COL4A3: variants seen among roughly 807,000 people sequenced by gnomAD.
COL4A3 encodes the protein collagen alpha-3(IV) chain.
COL4A3 carries 135 observed loss-of-function variants against 217.4 expected under a neutral mutation model. That is an observed-to-expected ratio of 0.62 (90% CI 0.54 to 0.72). COL4A3 has a LOEUF of 0.72. Among genes scored for constraint, COL4A3 ranks in the 30% least tolerant of loss-of-function variants. The pLI is 0.00. For synonymous variants in COL4A3, 690 were observed against 736.3 expected (o/e 0.94, Z 1.02); for missense variants, 1,868 against 2,119.9 (o/e 0.88, Z 2.33).
At chr2:227,301,541 G>C (rs1203955762) in intron 43 of COL4A3, among the ~76,000 whole-genome samples, 1 of 152,192 alleles carries the variant, frequency 6.6e-6, no homozygotes, top group Non-Finnish European at 1.5e-5. Flanking sequence ...TGTTCTCCAT[G>C]ATTCTTTGAA....
At chr2:227,263,241 T>C (rs1045231639) in intron 20 of COL4A3, among the ~76,000 whole-genome samples, 1 of 152,228 alleles carries the variant, frequency 6.6e-6, no homozygotes, top group Non-Finnish European at 1.5e-5. Flanking sequence ...AAACTGTTTG[T>C]GGGACAGAGA....
At chr2:227,177,300 C>T (rs1018830152) in intron 1 of COL4A3, among the ~76,000 whole-genome samples, 5 of 151,534 alleles carry the variant, frequency 3.3e-5, no homozygotes, top group African/African-American at 9.7e-5. Flanking sequence ...CAGGCGCCTG[C>T]CACCACTCCC....
intron 41 of COL4A3, chr2:227,296,193 T>G (rs1284321494): frequency 6.6e-6 from 1 of 152,238 alleles, no homozygotes; most frequent in Non-Finnish European, 1.5e-5. Flanking sequence ...TCTTACTGGT[T>G]TGATTGTTCT....
intron 37 of COL4A3, among the ~76,000 whole-genome samples, chr2:227,291,566 AAAAAAAAAAAAAACAAAAAAAAAAAAC>A (rs1200309333): frequency 1.7e-3 from 38 of 22,622 alleles, no homozygotes; most frequent in African/African-American, 3.6e-3. Context: ...CCGTCTCAAA[AAAAAAAAAAAAAACAAAAAAAAAAAAC>A]AAAAAAAAAA....
chr2:227,310,263 C>CT (rs1213662977), intron 50 of COL4A3, among the ~76,000 whole-genome samples: 1 of 152,020 alleles, frequency 6.6e-6, no homozygotes. Flanking sequence ...GTGGTTCTTT[C>CT]TTTTTTCTTT....
intron 1 of COL4A3, among the ~76,000 whole-genome samples, chr2:227,234,801 C>T (rs1227224214): frequency 6.6e-6 from 1 of 152,222 alleles, no homozygotes; most frequent in Non-Finnish European, 1.5e-5. Flanking sequence ...GTGAATGTGA[C>T]TCTTACTCCA....
chr2:227,202,854 TATATATAC>T lies in COL4A3; in HGVS notation c.88-35107_88-35100del, dbSNP rs1188548626. Among the ~76,000 whole-genome samples the T allele has an allele frequency of 3.8e-3, 140 of 36,370 alleles. 5 individuals are homozygous for T. The highest frequency in any genetic ancestry group is 0.019 in the Middle Eastern group (2 of 104). The allele number at this position is 36,370 out of a possible 152,430, so 23.9% of individuals were successfully genotyped here. A position where few individuals can be genotyped will look rare whatever the true frequency, so the allele number is the denominator to read the frequency against. ...ATCTATGTGTATATATACATATGTG[TATATATAC>T]ATATATGTGTATATATACATATGTG... On this transcript the variant is annotated intron_variant, in intron 1 of 51. Transcript: ENST00000396578.
chr2:227,295,329 TC>T lies in COL4A3; in HGVS notation c.3565+14del. The T allele has an allele frequency of 6.2e-7, 1 of 1,612,676 alleles. No individual in the cohort carries two copies. Among genetic ancestry groups the T allele is most frequent in the Non-Finnish European group, 8.5e-7 (1 of 1,178,640 alleles). On this transcript the variant is annotated intron_variant, in intron 41 of 51. Coordinates refer to ENST00000396578, the MANE Select transcript of COL4A3 (RefSeq NM_000091.5). ...CCTGGTGCTCAAGGTAAGCAGTTCT[TC>T]TTCCCTGTCCTAATGTACACATTTT...
intron 37 of COL4A3, 52 bp from the exon 38 acceptor site, chr2:227,293,139 A>G (rs2072850744): frequency 6.2e-7 from 1 of 1,610,294 alleles, no homozygotes; most frequent in African/African-American, 1.3e-5. Context: ...CTGAATTCTT[A>G]CCACATATCC....
intron 1 of COL4A3, among the ~76,000 whole-genome samples, chr2:227,217,229 T>C (rs753166098): frequency 3.3e-5 from 5 of 152,156 alleles, no homozygotes; most frequent in Non-Finnish European, 7.4e-5. Context: ...GAGAACAGTA[T>C]GGGAGAACCA....
chr2:227,234,354 T>C (rs11677864), intron 1 of COL4A3, among the ~76,000 whole-genome samples: 49,192 of 152,174 alleles, frequency 0.32, 8,383 homozygotes, highest in Non-Finnish European at 0.36. Context: ...AAGCAACTAA[T>C]AAATAATTAG....
intron 1 of COL4A3, among the ~76,000 whole-genome samples, chr2:227,181,803 C>T (rs1325239045): frequency 6.6e-6 from 1 of 152,032 alleles, no homozygotes; most frequent in East Asian, 1.9e-4. Context: ...TTTTTGCCTA[C>T]ATATCTGATT....
At chr2:227,202,751 AT>A (rs1281231451) in intron 1 of COL4A3, among the ~76,000 whole-genome samples, 1 of 16,492 alleles carries the variant, frequency 6.1e-5, no homozygotes, top group African/African-American at 3.9e-4. Context: ...AAAAAAATAT[AT>A]ATATATATAT....
At chr2:227,199,099 T>C (rs1002656674) in intron 1 of COL4A3, among the ~76,000 whole-genome samples, 13 of 152,122 alleles carry the variant, frequency 8.5e-5, no homozygotes, top group Admixed American at 8.5e-4. Context: ...GCAAACTGAA[T>C]TGAGGAATGA....
chr2:227,210,372 C>T lies in COL4A3; in HGVS notation c.88-27596C>T, dbSNP rs541184399. Among the ~76,000 whole-genome samples the T allele has an allele frequency of 2.0e-5, 3 of 152,284 alleles. No individual in the cohort carries two copies. The South Asian group carries it at 6.2e-4, about 32-fold the overall frequency. ...TTGGGATGCCAACGCAGGCAGATCACCTGAGGTCAGAAGTTCAAGACCAGC... is the reference window on the plus strand; with the variant it reads ...TTGGGATGCCAACGCAGGCAGATCATCTGAGGTCAGAAGTTCAAGACCAGC... On this transcript the variant is annotated intron_variant, in intron 1 of 51. Coordinates refer to ENST00000396578, the MANE Select transcript of COL4A3 (RefSeq NM_000091.5).
chr2:227,169,995 G>T (rs2065418865), intron 1 of COL4A3, among the ~76,000 whole-genome samples: 1 of 152,084 alleles, frequency 6.6e-6, no homozygotes, highest in African/African-American at 2.4e-5. Flanking sequence ...TTTATGACAG[G>T]TATTCTTTCC....
chr2:227,195,524 C>T (rs2066431293), intron 1 of COL4A3, among the ~76,000 whole-genome samples: 1 of 152,134 alleles, frequency 6.6e-6, no homozygotes, highest in Admixed American at 6.5e-5. Flanking sequence ...AAAGCTACTG[C>T]ACTGCCAGTT....
At chr2:227,308,779 T>C in intron 48 of COL4A3, 120 bp from the exon 49 acceptor site, 1 of 1,054,580 alleles carries the variant, frequency 9.5e-7, no homozygotes, top group Non-Finnish European at 1.4e-6. Context: ...AGATAACTCT[T>C]TTGTGTTGTC....
chr2:227,249,945 AT>A (rs2069632996), intron 9 of COL4A3, among the ~76,000 whole-genome samples: 1 of 152,084 alleles, frequency 6.6e-6, no homozygotes, highest in Non-Finnish European at 1.5e-5. Flanking sequence ...CACAAGAAAT[AT>A]TTTTTACCTG....
Sources: gnomAD v4.1 joint callset for allele counts (sites outside exome capture counted in the v4.1 genomes callset) on GRCh38, gnomAD v4.1.1 for gene constraint, MANE v1.5 for transcripts, NCBI Gene and HGNC (gene_info 2026-07-23, HGNC 2026-07-21) for gene names.